Variants in WWTR1 observed in about 807,000 individuals in gnomAD.
WWTR1 encodes the protein WW domain containing transcription regulator 1.
A neutral mutation model predicts 40.1 loss-of-function variants in WWTR1; 13 were observed. That is an observed-to-expected ratio of 0.32 (90% CI 0.21 to 0.52). The LOEUF (loss-of-function observed/expected upper bound fraction) is 0.52, where lower values mean the gene tolerates loss of function less well. WWTR1 is among the 20% of genes least tolerant of loss of function. The pLI is 0.97. For missense variants in WWTR1, 436 were observed against 523.1 expected (o/e 0.83, Z 1.63); for synonymous variants, 230 against 210.1 (o/e 1.09, Z -0.82).
chr3:149,524,678 C>T (rs555645159), intron 6 of WWTR1, among the ~76,000 whole-genome samples: 6 of 152,264 alleles, frequency 3.9e-5, no homozygotes, highest in South Asian at 2.1e-4. Flanking sequence ...ACACGAAAGA[C>T]GCCAGGGGAG....
intron 4 of WWTR1, among the ~76,000 whole-genome samples, chr3:149,721,765 T>C (rs1027968132): frequency 6.6e-6 from 1 of 152,190 alleles, no homozygotes; most frequent in Non-Finnish European, 1.5e-5. Context: ...GGGTTTCTTA[T>C]GTTGCCCAGG....
chr3:149,629,139 T>G (rs1400750862), intron 2 of WWTR1, among the ~76,000 whole-genome samples: 2 of 152,220 alleles, frequency 1.3e-5, no homozygotes, highest in East Asian at 1.9e-4. Flanking sequence ...CATTTTTCTT[T>G]AATTGTGCAG....
intron 2 of WWTR1, among the ~76,000 whole-genome samples, chr3:149,588,650 A>T (rs1473206275): frequency 6.6e-6 from 1 of 152,190 alleles, no homozygotes; most frequent in Non-Finnish European, 1.5e-5. Flanking sequence ...AGTAGGCTTT[A>T]TTCATATCTT....
intron 3 of WWTR1, among the ~76,000 whole-genome samples, chr3:149,568,551 A>ACC (rs1301796358): frequency 0.015 from 1,113 of 72,290 alleles, 59 homozygotes; most frequent in African/African-American, 0.058. Context: ...AAAAAAAAAA[A>ACC]AAAAAAAAAC....
chr3:149,632,704 C>T (rs956904690), intron 2 of WWTR1, among the ~76,000 whole-genome samples: 4 of 152,188 alleles, frequency 2.6e-5, no homozygotes, highest in African/African-American at 9.6e-5. Flanking sequence ...CCATACAATG[C>T]AATACTATTA....
At chr3:149,695,060 A>G (rs1714941401) in intron 1 of WWTR1, among the ~76,000 whole-genome samples, 1 of 152,234 alleles carries the variant, frequency 6.6e-6, no homozygotes, top group Non-Finnish European at 1.5e-5. Context: ...CAGGCACAGA[A>G]GGACAAACTT....
At chr3:149,558,616 T>A (rs1380057862) in intron 3 of WWTR1, among the ~76,000 whole-genome samples, 1 of 152,196 alleles carries the variant, frequency 6.6e-6, no homozygotes, top group East Asian at 1.9e-4. Flanking sequence ...ATCGTGTGCC[T>A]CCTGATAGGA....
At chr3:149,621,022 T>C (rs1040160697) in intron 2 of WWTR1, among the ~76,000 whole-genome samples, 4 of 152,206 alleles carry the variant, frequency 2.6e-5, no homozygotes, top group African/African-American at 9.6e-5. Flanking sequence ...GGAATTAATT[T>C]TGCTGAATGA....
At chr3:149,671,376 C>T (rs1193819257) in intron 1 of WWTR1, among the ~76,000 whole-genome samples, 1 of 152,164 alleles carries the variant, frequency 6.6e-6, no homozygotes, top group African/African-American at 2.4e-5. Flanking sequence ...CCTGCTTGTA[C>T]ATTCAGCCCA....
At chr3:149,581,498 A>G (rs982926572) in intron 2 of WWTR1, among the ~76,000 whole-genome samples, 2 of 152,230 alleles carry the variant, frequency 1.3e-5, no homozygotes, top group African/African-American at 4.8e-5. Context: ...CTCATCAAAC[A>G]TAGCTGCAGT....
intron 4 of WWTR1, among the ~76,000 whole-genome samples, chr3:149,723,770 G>T (rs756913340): frequency 1.3e-5 from 2 of 152,120 alleles, no homozygotes; most frequent in Non-Finnish European, 2.9e-5. Flanking sequence ...GGAGGGACTC[G>T]CAACAATGGG....
chr3:149,723,258 G>C (rs573878469), intron 4 of WWTR1, among the ~76,000 whole-genome samples: 1 of 137,900 alleles, frequency 7.3e-6, no homozygotes, highest in Non-Finnish European at 1.5e-5. Context: ...GCACGATCTC[G>C]GCTCACCACA....
intron 3 of WWTR1, among the ~76,000 whole-genome samples, chr3:149,555,660 A>C (rs796809945): frequency 5.9e-5 from 9 of 152,314 alleles, no homozygotes; most frequent in African/African-American, 2.2e-4. Flanking sequence ...TTTGAAATGA[A>C]AAAGTATTAG....
intron 2 of WWTR1, among the ~76,000 whole-genome samples, chr3:149,595,733 C>A (rs1244913553): frequency 6.6e-6 from 1 of 152,056 alleles, no homozygotes; most frequent in Non-Finnish European, 1.5e-5. Context: ...TATTATGGTT[C>A]AAATTTCTCC....
chr3:149,645,698 C>T (rs1429352209), intron 2 of WWTR1, among the ~76,000 whole-genome samples: 1 of 152,104 alleles, frequency 6.6e-6, no homozygotes, highest in Non-Finnish European at 1.5e-5. Flanking sequence ...CCCAGGTGCC[C>T]CTTTGAAAAC....
chr3:149,713,252 T>G (rs1715520527), intron 5 of WWTR1, among the ~76,000 whole-genome samples: 1 of 152,176 alleles, frequency 6.6e-6, no homozygotes, highest in Admixed American at 6.5e-5. Context: ...TAAAAAAACA[T>G]TTTCACACAT....
intron 5 of WWTR1, among the ~76,000 whole-genome samples, chr3:149,709,065 T>G (rs541027252): frequency 6.6e-6 from 1 of 152,274 alleles, no homozygotes. Context: ...AACCTCTGCC[T>G]CCCGGGCTCA....
chr3:149,520,608 G>T lies in WWTR1; in HGVS notation c.*197C>A, dbSNP rs1576531611. Reference sequence around the variant, plus strand: ...CGCAGGCTTGCAGAAAATGAAAATAGAATATTTATTTATGTTTAACTTAAG... The same window carrying T: ...CGCAGGCTTGCAGAAAATGAAAATATAATATTTATTTATGTTTAACTTAAG... On this transcript the variant is annotated 3_prime_UTR_variant, in exon 7 of 7. Coordinates refer to ENST00000360632, the MANE Select transcript of WWTR1 (RefSeq NM_015472.6). 2 of 443,500 alleles carry T rather than the reference G, an allele frequency of 4.5e-6. No homozygotes were observed. Among genetic ancestry groups the T allele is most frequent in the Non-Finnish European group, 7.8e-6 (2 of 257,634 alleles). The allele number at this position is 443,500 out of a possible 1,614,324, so 27.5% of individuals were successfully genotyped here.
At chr3:149,636,780 T>A (rs1471784751) in intron 2 of WWTR1, among the ~76,000 whole-genome samples, 1 of 151,908 alleles carries the variant, frequency 6.6e-6, no homozygotes, top group Non-Finnish European at 1.5e-5. Flanking sequence ...CATGCCATGC[T>A]TTGGGCCAGG....
Sources: allele counts gnomAD v4.1 joint callset (sites outside exome capture counted in the v4.1 genomes callset), GRCh38; gene constraint gnomAD v4.1.1; transcripts MANE v1.5; gene names NCBI Gene and HGNC (gene_info 2026-07-23, HGNC 2026-07-21).